The following FAM20A variants were observed in gnomAD, a reference collection of about 807,000 sequenced individuals.
The protein encoded by FAM20A is FAM20A golgi associated secretory pathway pseudokinase, also known as pseudokinase FAM20A.
Under a neutral mutation model 52.0 loss-of-function variants are expected in FAM20A, and 42 were observed. That is an observed-to-expected ratio of 0.81 (90% CI 0.63 to 1.04). The LOEUF is 1.04. Among genes scored for constraint, FAM20A ranks in the 50% least tolerant of loss-of-function variants. The pLI is 0.00. For missense variants in FAM20A, 742 were observed against 712.7 expected, an observed-to-expected ratio of 1.04 and a Z score of -0.47; for synonymous variants, 304 against 298.9, an observed-to-expected ratio of 1.02 and a Z score of -0.18.
At chr17:68,581,398 C>CTTTCTTTCTTTT (rs2087965777) in intron 1 of FAM20A, among the ~76,000 whole-genome samples, 1 of 144,306 alleles carries the variant, frequency 6.9e-6, no homozygotes, top group Non-Finnish European at 1.5e-5. Flanking sequence ...TTCTTTCTTT[C>CTTTCTTTCTTTT]TTTCTTTCTT....
Position 68,554,833 on chromosome 17 carries a change from A to G in FAM20A, c.590-6T>C. The G allele has an allele frequency of 6.2e-7, 1 of 1,614,110 alleles. No homozygotes were observed. Reference sequence around the variant, plus strand: ...TTTCTCATCTTGACTGTAATCTGCAAAGGAGGAGAAGGGCAATGAGAACTT... The same window carrying G: ...TTTCTCATCTTGACTGTAATCTGCAGAGGAGGAGAAGGGCAATGAGAACTT... On this transcript the variant is annotated splice_polypyrimidine_tract_variant and splice_region_variant and intron_variant, in intron 2 of 10. Coordinates refer to ENST00000592554, the MANE Select transcript of FAM20A (RefSeq NM_017565.4).
intron 1 of FAM20A, among the ~76,000 whole-genome samples, chr17:68,593,649 C>G (rs1390137348): frequency 6.6e-6 from 1 of 152,158 alleles, no homozygotes; most frequent in Non-Finnish European, 1.5e-5. Flanking sequence ...GATAACAGGC[C>G]ATTGACTAAC....
intron 1 of FAM20A, chr17:68,557,372 G>A (rs1233094343): frequency 6.6e-6 from 1 of 152,026 alleles, no homozygotes; most frequent in Non-Finnish European, 1.5e-5. Context: ...CAAGGTGATG[G>A]TATTGGAGAT....
intron 3 of FAM20A, among the ~76,000 whole-genome samples, chr17:68,553,983 T>C (rs912949659): frequency 1.4e-5 from 2 of 145,838 alleles, no homozygotes; most frequent in East Asian, 2.0e-4. Context: ...CACACATGCA[T>C]ATATACATAT....
intron 1 of FAM20A, among the ~76,000 whole-genome samples, chr17:68,589,897 A>G (rs1489715621): frequency 6.6e-6 from 1 of 152,158 alleles, no homozygotes; most frequent in African/African-American, 2.4e-5. Context: ...CACCCAATCA[A>G]TTTCTATATA....
chr17:68,575,718 T>A (rs1239852201), intron 1 of FAM20A, among the ~76,000 whole-genome samples: 1 of 122,398 alleles, frequency 8.2e-6, no homozygotes, highest in Non-Finnish European at 1.7e-5. Context: ...TATTATATAT[T>A]TTATATTTTA....
chr17:68,550,940 T>C, intron 4 of FAM20A: 1 of 584,094 alleles, frequency 1.7e-6, no homozygotes, highest in Non-Finnish European at 2.5e-6. Context: ...AACCATCTAC[T>C]GGGGCTCTCA....
In FAM20A at chr17:68,581,496, C is replaced by A. The variant is rs531361802; in HGVS notation, c.404+18767G>T. ...TTTCTTTCTTTCTTTCTTTTTCTTT[C>A]TTTCTTCTTTCTCTTTCTCTCCTTT... On this transcript the variant is annotated intron_variant, in intron 1 of 10. Transcript: ENST00000592554. Among the ~76,000 whole-genome samples the A allele has an allele frequency of 1.0e-3, 84 of 80,434 alleles. 1 individual carries two copies. In the South Asian group the frequency reaches 0.021, roughly 20 times the overall value. The allele number at this position is 80,434 out of a possible 152,430, so 52.8% of individuals were successfully genotyped here.
In FAM20A at chr17:68,550,396, T is replaced by TTTTTA. The variant is rs1491307289; in HGVS notation, c.719+1476_719+1477insTAAAA. ...TTTTTTTTTTTTTTTTTTTTTTTTT[T>TTTTTA]AAGATAGAGAGTCTCCCTCTGTTGC... On this transcript the variant is annotated intron_variant, in intron 4 of 10. Transcript: ENST00000592554. 5.1e-5 allele frequency among the ~76,000 whole-genome samples: 7 copies of TTTTTA among 137,970 alleles called. No individual in the cohort carries two copies. In the East Asian group the frequency reaches 1.3e-3, roughly 25 times the overall value. 90.5% of individuals were successfully genotyped at this position (137,970 alleles called of 152,430 possible).
At position 68,537,773 on chromosome 17, in the gene FAM20A, G is replaced by A. The variant is rs1211886598; in HGVS notation, c.1362-32C>T. On this transcript the variant is annotated intron_variant, in intron 10 of 10. Coordinates refer to ENST00000592554, the MANE Select transcript of FAM20A (RefSeq NM_017565.4). This position sits in a 1 kb window ranked among gnomAD's most constrained non-coding sequence, Gnocchi z 4.2. ...AGACAAAGTTACAGGAACCAAATAA[G>A]CAAATGTAAAGAAAATAACTTGCCT... The A allele has an allele frequency of 6.3e-7, 1 of 1,592,786 alleles. No individual in the cohort carries two copies. Among genetic ancestry groups the A allele is most frequent in the Non-Finnish European group, 8.6e-7 (1 of 1,168,878 alleles).
intron 1 of FAM20A, among the ~76,000 whole-genome samples, chr17:68,591,426 G>A (rs994199639): frequency 6.6e-6 from 1 of 152,194 alleles, no homozygotes; most frequent in Non-Finnish European, 1.5e-5. Context: ...TGCTGTGAGG[G>A]CAGTTCCTTC....
rs1246189820 is a variant in FAM20A at position 68,572,023 on chromosome 17, T to C, written c.405-16280A>G. On this transcript the variant is annotated intron_variant, in intron 1 of 10. Coordinates refer to ENST00000592554, the MANE Select transcript of FAM20A (RefSeq NM_017565.4). The stretch of plus-strand genomic sequence containing the variant: ...ATATATATATATATATATATATATA[T>C]ATATATATATATATATATGTAGCAG... Among the ~76,000 whole-genome samples, 51 of 119,812 alleles carry C rather than the reference T, an allele frequency of 4.3e-4. 2 individuals are homozygous for C. Among genetic ancestry groups the C allele is most frequent in the South Asian group, 3.8e-3 (14 of 3,720 alleles). 78.6% of individuals were successfully genotyped at this position (119,812 alleles called of 152,430 possible).
chr17:68,571,987 C>CATACATATATATATATATAT (rs2087555404), intron 1 of FAM20A, among the ~76,000 whole-genome samples: 1 of 43,774 alleles, frequency 2.3e-5, no homozygotes, highest in African/African-American at 6.1e-5. Flanking sequence ...TATATACATA[C>CATACATATATATATATATAT]ATATATATAT....
At chr17:68,547,829 CTTT>C (rs2086638660) in intron 4 of FAM20A, among the ~76,000 whole-genome samples, 1 of 152,234 alleles carries the variant, frequency 6.6e-6, no homozygotes. Flanking sequence ...CCTTCAAGAA[CTTT>C]TCCTTTGCAT....
chr17:68,577,888 T>A (rs2087818298), intron 1 of FAM20A, among the ~76,000 whole-genome samples: 1 of 152,178 alleles, frequency 6.6e-6, no homozygotes, highest in Non-Finnish European at 1.5e-5. Context: ...GATAAAACAC[T>A]AACACACGTG....
intron 4 of FAM20A, among the ~76,000 whole-genome samples, chr17:68,544,684 A>G (rs914941072): frequency 2.0e-5 from 3 of 152,076 alleles, no homozygotes; most frequent in Admixed American, 6.6e-5. Flanking sequence ...TAGAGATTCT[A>G]TTTTAAAAGG....
chr17:68,578,939 C>T (rs946525924), intron 1 of FAM20A, among the ~76,000 whole-genome samples: 2 of 148,590 alleles, frequency 1.3e-5, no homozygotes, highest in East Asian at 2.0e-4. Flanking sequence ...TGTTTGAACC[C>T]GGGAGGCAGA....
At chr17:68,553,989 C>A (rs12944500) in intron 3 of FAM20A, among the ~76,000 whole-genome samples, 6 of 137,128 alleles carry the variant, frequency 4.4e-5, no homozygotes, top group African/African-American at 1.6e-4. Context: ...TGCATATATA[C>A]ATATACACAC....
chr17:68,551,397 T>C, intron 4 of FAM20A: 2 of 323,108 alleles, frequency 6.2e-6, no homozygotes, highest in East Asian at 9.2e-5. Context: ...TCCGTAAACT[T>C]TTTGATGTCA....
Sources: gnomAD v4.1 joint callset for allele counts (sites outside exome capture counted in the v4.1 genomes callset) on GRCh38, gnomAD v4.1.1 for gene constraint, Gnocchi (gnomAD v3.1) non-coding constraint, MANE v1.5 for transcripts, NCBI Gene and HGNC (gene_info 2026-07-23, HGNC 2026-07-21) for gene names.